MCUB: variants seen among roughly 807,000 people sequenced by gnomAD.
The protein encoded by MCUB is mitochondrial calcium uniporter dominant negative subunit beta.
A neutral mutation model predicts 41.4 loss-of-function variants in MCUB; 46 were observed. The ratio of observed to expected loss-of-function variants is 1.11; its 90% CI spans 0.88 to 1.42. The LOEUF (loss-of-function observed/expected upper bound fraction) is 1.42. Ranked by LOEUF, MCUB falls within the 40% of genes most tolerant of loss-of-function variation. The pLI is 0.00. For synonymous variants in MCUB, 148 were observed against 148.2 expected (o/e 1.00, Z 0.01); for missense variants, 403 against 404.9 (o/e 1.00, Z 0.04).
At chr4:109,603,909 G>A (rs1373506443) in intron 1 of MCUB, among the ~76,000 whole-genome samples, 1 of 152,260 alleles carries the variant, frequency 6.6e-6, no homozygotes, top group African/African-American at 2.4e-5. Context: ...ATTGAGAACG[G>A]GCCATGATGA....
At chr4:109,567,131 C>CAA (rs397994929) in intron 1 of MCUB, among the ~76,000 whole-genome samples, 624 of 55,266 alleles carry the variant, frequency 0.011, 26 homozygotes, top group African/African-American at 0.026. Context: ...GACTCCATCT[C>CAA]AAAAAAAAAA....
chr4:109,680,303 A>G (rs1470077975), intron 4 of MCUB, among the ~76,000 whole-genome samples: 1 of 152,192 alleles, frequency 6.6e-6, no homozygotes, highest in African/African-American at 2.4e-5. Flanking sequence ...CAGATGGCCC[A>G]GTAACATTAA....
At chr4:109,682,800 C>G (rs1729749701) in intron 5 of MCUB, 58 bp downstream of exon 5, 1 of 1,327,794 alleles carries the variant, frequency 7.5e-7, no homozygotes, top group Non-Finnish European at 1.0e-6. Context: ...TTATTGAGTG[C>G]TCCTCATGTG....
chr4:109,624,034 G>A (rs1358773816), intron 1 of MCUB, among the ~76,000 whole-genome samples: 4 of 152,032 alleles, frequency 2.6e-5, no homozygotes, highest in African/African-American at 9.7e-5. Context: ...AAAATTTTTT[G>A]TAGAGTCAAG....
rs557770223 is a variant in MCUB, at chr4:109,579,631, A to G, written c.99+19195A>G. 2.1e-3 allele frequency among the ~76,000 whole-genome samples: 321 copies of G among 152,224 alleles called. 1 individual carries two copies. The highest frequency in any genetic ancestry group is 3.3e-3 in the Non-Finnish European group (224 of 68,012). ...TGCATTGTGGATAGGTAAATTTATTATGTTTTTCTGGCAAATGACCATGAA... is the reference window on the plus strand; with the variant it reads ...TGCATTGTGGATAGGTAAATTTATTGTGTTTTTCTGGCAAATGACCATGAA... On this transcript the variant is annotated intron_variant, in intron 1 of 7. Transcript: ENST00000394650.
At chr4:109,633,325 T>C (rs919231173) in intron 1 of MCUB, among the ~76,000 whole-genome samples, 2 of 152,174 alleles carry the variant, frequency 1.3e-5, no homozygotes, top group African/African-American at 4.8e-5. Context: ...TGGAGTGCAG[T>C]GGCGCGATCT....
At chr4:109,639,636 G>A (rs1011494521) in intron 1 of MCUB, among the ~76,000 whole-genome samples, 17 of 152,252 alleles carry the variant, frequency 1.1e-4, no homozygotes, top group African/African-American at 2.9e-4. Context: ...GCAGGGAGCC[G>A]AGATCATGCC....
chr4:109,612,771 C>T (rs2126133732), intron 1 of MCUB, among the ~76,000 whole-genome samples: 1 of 152,162 alleles, frequency 6.6e-6, no homozygotes, highest in South Asian at 2.1e-4. Flanking sequence ...AGATGGCAGG[C>T]TTGACAAATA....
chr4:109,573,355 C>T (rs929967418), intron 1 of MCUB, among the ~76,000 whole-genome samples: 18 of 151,358 alleles, frequency 1.2e-4, no homozygotes, highest in Non-Finnish European at 2.7e-4. Context: ...CGGGAGGCTG[C>T]GGCAGCAGAA....
intron 1 of MCUB, among the ~76,000 whole-genome samples, chr4:109,626,872 C>T (rs965730013): frequency 6.7e-6 from 1 of 148,886 alleles, no homozygotes; most frequent in Non-Finnish European, 1.5e-5. Flanking sequence ...TTCGTACTTG[C>T]AAGACTGTAG....
intron 4 of MCUB, among the ~76,000 whole-genome samples, chr4:109,667,320 A>G (rs992902749): frequency 4.6e-5 from 7 of 152,026 alleles, no homozygotes; most frequent in Non-Finnish European, 1.0e-4. Flanking sequence ...GATAGATTGT[A>G]CCTTTTAGAG....
chr4:109,591,012 T>G (rs1447815811), intron 1 of MCUB, among the ~76,000 whole-genome samples: 1 of 152,144 alleles, frequency 6.6e-6, no homozygotes, highest in African/African-American at 2.4e-5. Flanking sequence ...AAATGTTCCT[T>G]CAGCTGTGTA....
chr4:109,637,839 C>T (rs1350618212), intron 1 of MCUB, among the ~76,000 whole-genome samples: 1 of 152,128 alleles, frequency 6.6e-6, no homozygotes, highest in Non-Finnish European at 1.5e-5. Flanking sequence ...GAAATCACCA[C>T]TAAAGAACTA....
chr4:109,606,810 G>A (rs535000263), intron 1 of MCUB, among the ~76,000 whole-genome samples: 14 of 152,256 alleles, frequency 9.2e-5, no homozygotes, highest in Non-Finnish European at 1.5e-4. Flanking sequence ...GCGATGGCGC[G>A]ATCTCGGCTC....
At chr4:109,682,175 GCTAGTT>G (rs2126152011) in intron 4 of MCUB, among the ~76,000 whole-genome samples, 1 of 152,356 alleles carries the variant, frequency 6.6e-6, no homozygotes, top group African/African-American at 2.4e-5. Flanking sequence ...AGGAAATCCA[GCTAGTT>G]CTGTCTCTCA....
At chr4:109,589,382 A>T (rs1326954318) in intron 1 of MCUB, among the ~76,000 whole-genome samples, 1 of 152,160 alleles carries the variant, frequency 6.6e-6, no homozygotes, top group African/African-American at 2.4e-5. Context: ...GAGTTTACTG[A>T]AAACTTGGTT....
chr4:109,589,331 C>T (rs549597467), intron 1 of MCUB, among the ~76,000 whole-genome samples: 31 of 152,310 alleles, frequency 2.0e-4, no homozygotes, highest in Middle Eastern at 3.4e-3. Context: ...TCATCATCTA[C>T]ACTCTGGCAT....
At chr4:109,595,656 A>G (rs1306553118) in intron 1 of MCUB, among the ~76,000 whole-genome samples, 1 of 152,294 alleles carries the variant, frequency 6.6e-6, no homozygotes, top group Non-Finnish European at 1.5e-5. Flanking sequence ...TATATTGGAC[A>G]GCATAGAGAG....
intron 1 of MCUB, among the ~76,000 whole-genome samples, chr4:109,638,464 A>G (rs531752133): frequency 6.6e-6 from 1 of 151,320 alleles, no homozygotes; most frequent in African/African-American, 2.4e-5. Flanking sequence ...TAAAAATGCT[A>G]GCAATCATCT....
Sources: gnomAD v4.1 joint callset for allele counts (sites outside exome capture counted in the v4.1 genomes callset) on GRCh38, gnomAD v4.1.1 for gene constraint, MANE v1.5 for transcripts, NCBI Gene and HGNC (gene_info 2026-07-23, HGNC 2026-07-21) for gene names.